The following ACOT13 variants were observed in gnomAD, a reference collection of about 807,000 sequenced individuals.
ACOT13 encodes acyl-coenzyme A thioesterase 13.
ACOT13 carries 10 observed loss-of-function variants against 11.8 expected under a neutral mutation model. The observed-to-expected ratio is 0.85, with a 90% CI of 0.53 to 1.44. ACOT13 has a LOEUF of 1.44. Among genes scored for constraint, ACOT13 ranks in the 40% most tolerant of loss-of-function variants. The pLI is 0.00. For synonymous variants in ACOT13, 53 were observed against 61.0 expected, an observed-to-expected ratio of 0.87 and a Z score of 0.61; for missense variants, 172 against 174.1, an observed-to-expected ratio of 0.99 and a Z score of 0.07.
chr6:24,668,242 G>T (rs1420681649), intron 1 of ACOT13, among the ~76,000 whole-genome samples: 2 of 150,768 alleles, frequency 1.3e-5, no homozygotes, highest in African/African-American at 4.9e-5. Flanking sequence ...GTTTTGAGAT[G>T]GAGTCTTGCT....
intron 1 of ACOT13, among the ~76,000 whole-genome samples, chr6:24,691,533 C>T (rs969679010): frequency 4.6e-5 from 7 of 151,998 alleles, no homozygotes; most frequent in African/African-American, 1.7e-4. Context: ...AACTTAAATC[C>T]ACCCCCCACC....
Position 24,697,855 on chromosome 6 carries a change from T to C in ACOT13, c.82-28T>C, listed in dbSNP as rs754714185. 12 of 1,551,038 alleles carry C rather than the reference T, an allele frequency of 7.7e-6. No homozygotes were observed. The South Asian group carries it at 1.3e-4, about 17-fold the overall frequency. On this transcript the variant is annotated intron_variant, in intron 1 of 2. Transcript: ENST00000230048. ...GGCTTTTCTAATTCTACAGAATTAA[T>C]GTTCAGGATTCTTTTTTTTACACTT...
chr6:24,702,132 A>G lies in ACOT13; in HGVS notation c.*517A>G, dbSNP rs1306940935. ...AGCCCTCTGGGTTCTCGTTTTTGAA[A>G]TGGAGTCTCGCTCTGTTGCCCAGGC... On this transcript the variant is annotated 3_prime_UTR_variant, in exon 3 of 3. Transcript: ENST00000230048. 1 of 152,484 alleles carries G rather than the reference A, an allele frequency of 6.6e-6. No homozygotes were observed. Among genetic ancestry groups the G allele is most frequent in the Non-Finnish European group, 1.5e-5 (1 of 68,330 alleles). The allele number at this position is 152,484 out of a possible 1,614,324, so 9.4% of individuals were successfully genotyped here.
At chr6:24,696,110 C>A (rs771580148) in intron 1 of ACOT13, among the ~76,000 whole-genome samples, 17 of 152,106 alleles carry the variant, frequency 1.1e-4, no homozygotes, top group Non-Finnish European at 1.9e-4. Context: ...CAACAAAAAT[C>A]CTGTTCTAAA....
At chr6:24,696,605 T>G (rs965264717) in intron 1 of ACOT13, among the ~76,000 whole-genome samples, 1 of 152,186 alleles carries the variant, frequency 6.6e-6, no homozygotes. Context: ...ACACCTCTAG[T>G]GAGGGTGGAA....
intron 1 of ACOT13, among the ~76,000 whole-genome samples, chr6:24,674,488 A>G (rs925204463): frequency 6.6e-6 from 1 of 152,186 alleles, no homozygotes; most frequent in African/African-American, 2.4e-5. Context: ...AGCTGAGTGC[A>G]GCGTCTGCTT....
At chr6:24,667,679 A>G (rs1440735902) in intron 1 of ACOT13, among the ~76,000 whole-genome samples, 2 of 152,194 alleles carry the variant, frequency 1.3e-5, no homozygotes, top group African/African-American at 4.8e-5. Flanking sequence ...TTTAAGGCAC[A>G]TTACAGTCTA....
At chr6:24,696,597 A>G (rs979165500) in intron 1 of ACOT13, among the ~76,000 whole-genome samples, 4 of 152,050 alleles carry the variant, frequency 2.6e-5, no homozygotes, top group Non-Finnish European at 4.4e-5. Context: ...CTTCCTGAAC[A>G]CCTCTAGTGA....
intron 1 of ACOT13, among the ~76,000 whole-genome samples, chr6:24,689,224 C>T (rs1487601074): frequency 6.6e-6 from 1 of 151,664 alleles, no homozygotes; most frequent in Non-Finnish European, 1.5e-5. Flanking sequence ...GTCAGTCTGT[C>T]ATATACAAAT....
At chr6:24,681,506 T>TA (rs1554190058) in intron 1 of ACOT13, among the ~76,000 whole-genome samples, 3 of 36,410 alleles carry the variant, frequency 8.2e-5, no homozygotes, top group Non-Finnish European at 1.4e-4. Context: ...TTTTTTTTTT[T>TA]ATTCTATCTT....
chr6:24,698,489 C>A (rs1302298083), intron 2 of ACOT13, among the ~76,000 whole-genome samples: 1 of 152,076 alleles, frequency 6.6e-6, no homozygotes, highest in Admixed American at 6.5e-5. Context: ...GAGTTCAAGA[C>A]CCCCATCTCT....
chr6:24,692,102 A>G (rs1778726399), intron 1 of ACOT13, among the ~76,000 whole-genome samples: 1 of 152,188 alleles, frequency 6.6e-6, no homozygotes, highest in South Asian at 2.1e-4. Flanking sequence ...TCCAGTATCA[A>G]GTCTGGTCTT....
intron 1 of ACOT13, among the ~76,000 whole-genome samples, chr6:24,671,518 G>A (rs142029053): frequency 6.4e-4 from 98 of 152,200 alleles, no homozygotes; most frequent in African/African-American, 2.1e-3. Context: ...TGTAAATGAC[G>A]AATTAATGGG....
In ACOT13 at chr6:24,701,844, A is replaced by G; in HGVS notation, c.*229A>G. 1 of 410,490 alleles carries G rather than the reference A, an allele frequency of 2.4e-6. No individual in the cohort carries two copies. Among genetic ancestry groups the G allele is most frequent in the Non-Finnish European group, 4.3e-6 (1 of 231,712 alleles). 25.4% of individuals were successfully genotyped at this position (410,490 alleles called of 1,614,324 possible). A position where few individuals can be genotyped will look rare whatever the true frequency, so the allele number is the denominator to read the frequency against. ...TAATTGGGTGAAAAATTCTTAGCTCAAAGTGTTTTAAAAACAGGTAAAGCA... is the reference window on the plus strand; with the variant it reads ...TAATTGGGTGAAAAATTCTTAGCTCGAAGTGTTTTAAAAACAGGTAAAGCA... On this transcript the variant is annotated 3_prime_UTR_variant, in exon 3 of 3. Transcript: ENST00000230048.
chr6:24,687,854 G>A (rs1433491971), intron 1 of ACOT13, among the ~76,000 whole-genome samples: 1 of 151,750 alleles, frequency 6.6e-6, no homozygotes, highest in Non-Finnish European at 1.5e-5. Flanking sequence ...TGGGATTACA[G>A]GCACGCGCCA....
intron 1 of ACOT13, among the ~76,000 whole-genome samples, chr6:24,674,005 ATTCCT>A (rs1778405416): frequency 6.6e-6 from 1 of 152,108 alleles, no homozygotes; most frequent in Non-Finnish European, 1.5e-5. Context: ...TTATTTCCTG[ATTCCT>A]TTACCTTGTT....
At chr6:24,689,238 G>A (rs1438601351) in intron 1 of ACOT13, among the ~76,000 whole-genome samples, 1 of 151,782 alleles carries the variant, frequency 6.6e-6, no homozygotes, top group Non-Finnish European at 1.5e-5. Flanking sequence ...TACAAATAAA[G>A]CATCTTTGTG....
At position 24,670,882 on chromosome 6, in the gene ACOT13, C is replaced by T. The variant is rs1202242449; in HGVS notation, c.81+3538C>T. ...TGATATTCATGAGCATTTTAGCTCT[C>T]CATGAGTTCTGAAAGTTTTTCCTCT... On this transcript the variant is annotated intron_variant, in intron 1 of 2. Transcript: ENST00000230048. Among the ~76,000 whole-genome samples the T allele has an allele frequency of 3.3e-5, 5 of 152,238 alleles. 1 individual carries two copies. Among genetic ancestry groups the T allele is most frequent in the Non-Finnish European group, 7.4e-5 (5 of 68,020 alleles).
At chr6:24,673,576 G>C (rs1305435250) in intron 1 of ACOT13, among the ~76,000 whole-genome samples, 2 of 152,150 alleles carry the variant, frequency 1.3e-5, no homozygotes, top group African/African-American at 2.4e-5. Context: ...GGCCGGGCTA[G>C]TCTACAACTC....
Sources: gnomAD v4.1 joint callset for allele counts (sites outside exome capture counted in the v4.1 genomes callset) on GRCh38, gnomAD v4.1.1 for gene constraint, MANE v1.5 for transcripts, NCBI Gene and HGNC (gene_info 2026-07-23, HGNC 2026-07-21) for gene names.